Variants in RAG1 observed in about 807,000 individuals in gnomAD.
The protein encoded by RAG1 is recombination activating 1, also known as V(D)J recombination-activating protein 1.
Under a neutral mutation model 62.7 loss-of-function variants are expected in RAG1, and 35 were observed. That is an observed-to-expected ratio of 0.56 (90% confidence interval 0.43 to 0.74). The LOEUF is 0.74. Ranked by LOEUF, RAG1 falls within the 30% of genes least tolerant of loss-of-function variation. RAG1 has a pLI of 0.00. For synonymous variants in RAG1, 461 were observed against 470.3 expected (o/e 0.98, Z 0.26); for missense variants, 1,169 against 1,278.6 (o/e 0.91, Z 1.31).
chr11:36,511,318 G>C (rs535476148), intron 1 of RAG1, among the ~76,000 whole-genome samples: 43 of 152,250 alleles, frequency 2.8e-4, no homozygotes, highest in Non-Finnish European at 5.7e-4. Flanking sequence ...CCTGGGTGTG[G>C]TGGTGCATAT....
At chr11:36,540,476 C>T (rs1860399035), downstream of RAG1, among the ~76,000 whole-genome samples, 1 of 152,162 alleles carries the variant, frequency 6.6e-6, no homozygotes, top group African/African-American at 2.4e-5. Flanking sequence ...ATGATCTCGG[C>T]TCACTGCAAG....
chr11:36,543,694 A>G (rs1850348923), intron 3 of RAG1, among the ~76,000 whole-genome samples: 1 of 152,102 alleles, frequency 6.6e-6, no homozygotes, highest in Non-Finnish European at 1.5e-5. Context: ...AAAATGACTT[A>G]CCTCTTAGTC....
chr11:36,518,041 A>G (rs571207818), intron 1 of RAG1, among the ~76,000 whole-genome samples: 302 of 126,408 alleles, frequency 2.4e-3, no homozygotes, highest in Admixed American at 4.7e-3. Flanking sequence ...TCCTGTGTTC[A>G]TATGTTCTCA....
chr11:36,548,950 A>G (rs1850441452), intron 3 of RAG1, among the ~76,000 whole-genome samples: 1 of 151,796 alleles, frequency 6.6e-6, no homozygotes, highest in Non-Finnish European at 1.5e-5. Flanking sequence ...ACCAAACGGA[A>G]GCATTAGAAA....
chr11:36,518,867 T>C (rs1205338697), intron 1 of RAG1, among the ~76,000 whole-genome samples: 1 of 152,196 alleles, frequency 6.6e-6, no homozygotes. Flanking sequence ...TTTGTCAATT[T>C]TGTCTTTTGT....
upstream of RAG1, among the ~76,000 whole-genome samples, chr11:36,565,502 T>A (rs1405758870): frequency 6.6e-6 from 1 of 152,068 alleles, no homozygotes; most frequent in Non-Finnish European, 1.5e-5. Context: ...GTCTGGGAGG[T>A]CTGCGCTCAA....
At chr11:36,565,115 C>A (rs988377513), upstream of RAG1, among the ~76,000 whole-genome samples, 1 of 152,126 alleles carries the variant, frequency 6.6e-6, no homozygotes, top group Non-Finnish European at 1.5e-5. Context: ...TGTTAGAAGA[C>A]AAGAGTTTTG....
chr11:36,537,728 G>A (rs12419174), downstream of RAG1, among the ~76,000 whole-genome samples: 15,227 of 152,088 alleles, frequency 0.1, 830 homozygotes, highest in Non-Finnish European at 0.11. Flanking sequence ...TTTAGCTCTG[G>A]AAAACTGACT....
Position 36,576,481 on chromosome 11 carries a change from T to A in RAG1, c.*45T>A. On this transcript the variant is annotated 3_prime_UTR_variant, in exon 2 of 2. Coordinates refer to ENST00000299440, the MANE Select transcript of RAG1 (RefSeq NM_000448.3). ...GTTGGTTTTTGCAATTGAGTTTCCC[T>A]CTGGGTTGCATTGAGGGCTTCTCCT... The A allele has an allele frequency of 6.2e-7, 1 of 1,609,330 alleles. No individual in the cohort carries two copies. Among genetic ancestry groups the A allele is most frequent in the Non-Finnish European group, 8.5e-7 (1 of 1,176,384 alleles).
At chr11:36,523,035 A>G (rs1860105851) in intron 2 of RAG1, among the ~76,000 whole-genome samples, 1 of 152,196 alleles carries the variant, frequency 6.6e-6, no homozygotes, top group African/African-American at 2.4e-5. Flanking sequence ...TTTGTCTCAG[A>G]TGAGACTTTG....
At chr11:36,535,158 G>A (rs554387234) in intron 2 of RAG1, among the ~76,000 whole-genome samples, 4 of 151,794 alleles carry the variant, frequency 2.6e-5, no homozygotes, top group Admixed American at 2.0e-4. Context: ...TTTAAAAATA[G>A]GGTGTAAAGT....
At chr11:36,557,528 G>T (rs962001278) in intron 3 of RAG1, among the ~76,000 whole-genome samples, 30 of 151,328 alleles carry the variant, frequency 2.0e-4, no homozygotes, top group South Asian at 6.2e-4. Context: ...CCTAGTGACA[G>T]GAACCCGGTA....
intron 1 of RAG1, among the ~76,000 whole-genome samples, chr11:36,519,383 A>G (rs1006214253): frequency 6.6e-6 from 1 of 152,224 alleles, no homozygotes. Context: ...CTTTAGTTGC[A>G]TTGCTCTTAA....
rs570885960 is a variant in RAG1, at chr11:36,575,756, G to T, written c.2452G>T (p.Val818Leu). The change falls in exon 2 of 2, where the codon GTG becomes TTG. Residue 818 changes from valine (V) to leucine (L), a missense_variant. Transcript: ENST00000299440. The surrounding 1 kb of genome is among the most constrained non-coding windows in gnomAD (Gnocchi z 4.1). ...YKIFQLEIGE[V>L]YKNPNASKEE... is the part of the protein sequence containing the mutation. ...GATCTTCCAGCTAGAGATAGGGGAA[G>T]TGTATAAGAATCCCAATGCTTCCAA... 3 of 1,614,102 alleles carry T rather than the reference G, an allele frequency of 1.9e-6. No homozygotes were observed. In the African/African-American group the frequency reaches 4.0e-5, roughly 22 times the overall value.
At chr11:36,551,745 T>C (rs1237932649) in intron 3 of RAG1, among the ~76,000 whole-genome samples, 2 of 140,714 alleles carry the variant, frequency 1.4e-5, no homozygotes, top group Non-Finnish European at 3.1e-5. Context: ...CTCCCAATGC[T>C]ATCCCTCCCC....
Position 36,528,342 on chromosome 11 carries a change from C to T in RAG1, n.429-7617C>T, listed in dbSNP as rs760647040. Reference sequence around the variant, plus strand: ...TTAGAACTCAGAATTAAGAAACTCACTCAAAACCACTCAACTACATGGAAA... The same window carrying T: ...TTAGAACTCAGAATTAAGAAACTCATTCAAAACCACTCAACTACATGGAAA... On this transcript the variant is annotated intron_variant and non_coding_transcript_variant, in intron 2 of 2. Coordinates refer to the RAG1 transcript ENST00000529126. Among the ~76,000 whole-genome samples, 6 of 152,144 alleles carry T rather than the reference C, an allele frequency of 3.9e-5. No individual in the cohort carries two copies. The South Asian group carries it at 1.0e-3, about 26-fold the overall frequency.
rs1002792835 is a variant in RAG1 at position 36,577,702 on chromosome 11, A to G, written c.*1266A>G. 6.0e-6 allele frequency: 1 copy of G among 167,034 alleles called. No homozygotes were observed. Among genetic ancestry groups the G allele is most frequent in the African/African-American group, 2.4e-5 (1 of 41,446 alleles). 10.3% of individuals were successfully genotyped at this position (167,034 alleles called of 1,614,324 possible). A position where few individuals can be genotyped will look rare whatever the true frequency, so the allele number is the denominator to read the frequency against. ...GATGGGGGTTTAAATGATTTGCTCA[A>G]AGTCATTTAGGGGTAATAAATACTT... On this transcript the variant is annotated 3_prime_UTR_variant, in exon 2 of 2. Coordinates refer to ENST00000299440, the MANE Select transcript of RAG1 (RefSeq NM_000448.3).
chr11:36,547,341 G>GT (rs1245721518), intron 3 of RAG1, among the ~76,000 whole-genome samples: 1 of 151,982 alleles, frequency 6.6e-6, no homozygotes, highest in Non-Finnish European at 1.5e-5. Context: ...CCAGAAGCTG[G>GT]TTTTTTGAAA....
chr11:36,557,754 A>T (rs1239299842), intron 3 of RAG1, among the ~76,000 whole-genome samples: 1 of 151,986 alleles, frequency 6.6e-6, no homozygotes, highest in Non-Finnish European at 1.5e-5. Flanking sequence ...ACAATAATGA[A>T]CCCTCTCACT....
Sources: allele counts gnomAD v4.1 joint callset (sites outside exome capture counted in the v4.1 genomes callset), GRCh38; gene constraint gnomAD v4.1.1; non-coding constraint Gnocchi (gnomAD v3.1); transcripts MANE v1.5; gene names NCBI Gene and HGNC (gene_info 2026-07-23, HGNC 2026-07-21).